CDADC1: variants seen among roughly 807,000 people sequenced by gnomAD.
CDADC1 encodes cytidine and dCMP deaminase domain containing 1.
In CDADC1, 39 loss-of-function variants were observed where a neutral mutation model predicts 54.9. The ratio of observed to expected loss-of-function variants is 0.71; its 90% CI spans 0.55 to 0.93. The LOEUF (loss-of-function observed/expected upper bound fraction) is 0.93, where lower values mean the gene tolerates loss of function less well. Ranked by LOEUF, CDADC1 falls within the 40% of genes least tolerant of loss-of-function variation. The pLI is 0.00. For synonymous variants in CDADC1, 186 were observed against 204.0 expected (o/e 0.91, Z 0.75); for missense variants, 518 against 618.8 (o/e 0.84, Z 1.73).
chr13:49,267,697 T>A lies in CDADC1; in HGVS notation c.638T>A (p.Ile213Asn). Residue 213 changes from isoleucine to asparagine, a missense_variant, in exon 5 of 10, where the codon ATT (isoleucine) becomes AAT (asparagine). Physicochemically the swap from Ile to Asn is moderately radical, Grantham distance 149. Transcript: ENST00000251108. ...GAGACCTCTTACAAATGTGACTTTA[T>A]TCAAAAAATTACAAAAACATTGCCG... ...VEETSYKCDF[I>N]QKITKTLPDA... is the part of the protein sequence containing the mutation. 1 of 1,612,706 alleles carries A rather than the reference T, an allele frequency of 6.2e-7. No individual in the cohort carries two copies. Among genetic ancestry groups the A allele is most frequent in the Non-Finnish European group, 8.5e-7 (1 of 1,179,544 alleles).
In CDADC1 at chr13:49,286,259, A is replaced by C. The variant is rs199798467; in HGVS notation, c.1448A>C (p.Gln483Pro). ...LNPSGAYGLE[Q>P]NEPERRENGV... ...CCATCAGGAGCTTATGGTCTTGAAC[A>C]AAATGAGCCTGAAAGGAGAGAAAGT... The change falls in exon 9 of 10, where the codon CAA (glutamine) becomes CCA (proline). Residue 483 changes from glutamine (Q) to proline (P), a missense_variant. Coordinates refer to ENST00000251108, the MANE Select transcript of CDADC1 (RefSeq NM_030911.4). The C allele has an allele frequency of 3.7e-6, 6 of 1,613,550 alleles. No individual in the cohort carries two copies. The highest frequency in any genetic ancestry group is 2.2e-5 in the East Asian group (1 of 44,866).
intron 8 of CDADC1, 139 bp downstream of exon 8, chr13:49,280,837 T>C (rs1289195644): frequency 5.0e-6 from 1 of 201,290 alleles, no homozygotes; most frequent in Non-Finnish European, 9.3e-6. Flanking sequence ...ATTATTATTT[T>C]ATTATTATTA....
intron 7 of CDADC1, among the ~76,000 whole-genome samples, chr13:49,278,874 T>C (rs879657071): frequency 1.3e-5 from 2 of 152,220 alleles, no homozygotes; most frequent in African/African-American, 4.8e-5. Context: ...TTAATACAGT[T>C]ACACGCCACA....
chr13:49,251,294 GCT>G (rs1952425238), intron 2 of CDADC1, among the ~76,000 whole-genome samples: 1 of 151,666 alleles, frequency 6.6e-6, no homozygotes. Context: ...TGTAGTCCCA[GCT>G]ACTTAGGAGG....
chr13:49,278,399 A>G lies in CDADC1; in HGVS notation c.1100A>G (p.Asn367Ser). 2 of 1,602,388 alleles carry G rather than the reference A, an allele frequency of 1.2e-6. No homozygotes were observed. Among genetic ancestry groups the G allele is most frequent in the Non-Finnish European group, 1.7e-6 (2 of 1,171,228 alleles). The change falls in exon 7 of 10, where the codon AAT becomes AGT. Residue 367 changes from asparagine to serine, a missense_variant. Asn to Ser is a conservative substitution (Grantham distance 46). Coordinates refer to ENST00000251108, the MANE Select transcript of CDADC1 (RefSeq NM_030911.4). ...ATGTACTTTGTAGGATGTGGTTACA[A>G]TGCTTTTCCTGTTGGATCTGAGTAT... ...GAMYFVGCGY[N>S]AFPVGSEYAD... is the part of the protein sequence containing the mutation.
At chr13:49,255,788 C>T (rs1566353158) in intron 2 of CDADC1, 51 bp from the exon 3 acceptor site, 4 of 1,587,652 alleles carry the variant, frequency 2.5e-6, no homozygotes, top group Non-Finnish European at 3.4e-6. Context: ...TTGAATTAGT[C>T]ATATGTCTTA....
chr13:49,267,136 A>T (rs746591411), intron 4 of CDADC1, among the ~76,000 whole-genome samples: 2 of 152,188 alleles, frequency 1.3e-5, no homozygotes, highest in Non-Finnish European at 2.9e-5. Context: ...AAAGCACCCA[A>T]AGACTATATA....
intron 9 of CDADC1, among the ~76,000 whole-genome samples, chr13:49,286,953 G>C (rs1470416627): frequency 6.6e-6 from 1 of 152,218 alleles, no homozygotes; most frequent in Non-Finnish European, 1.5e-5. Context: ...CACTTTGGGA[G>C]GCCAAGGCAG....
At chr13:49,256,002 C>G in intron 3 of CDADC1, 89 bp downstream of exon 3, 1 of 1,501,320 alleles carries the variant, frequency 6.7e-7, no homozygotes, top group Non-Finnish European at 8.9e-7. Flanking sequence ...TCCATTTCTA[C>G]TATCAAGGGA....
chr13:49,262,259 A>G (rs1175560141), intron 4 of CDADC1, among the ~76,000 whole-genome samples: 1 of 152,120 alleles, frequency 6.6e-6, no homozygotes, highest in Admixed American at 6.5e-5. Flanking sequence ...TCAGGGCAAT[A>G]TGGAGAAACC....
intron 4 of CDADC1, among the ~76,000 whole-genome samples, chr13:49,263,347 G>A (rs1182200350): frequency 6.6e-6 from 1 of 152,120 alleles, no homozygotes; most frequent in African/African-American, 2.4e-5. Context: ...TGGGATTGGT[G>A]GTGATATTAA....
chr13:49,286,871 T>C (rs1953528317), intron 9 of CDADC1, among the ~76,000 whole-genome samples: 1 of 152,276 alleles, frequency 6.6e-6, no homozygotes, highest in Non-Finnish European at 1.5e-5. Context: ...ATTTTAGATA[T>C]GAGTGCTATA....
chr13:49,292,215 C>A lies in CDADC1; in HGVS notation c.*458C>A. 1.0e-6 allele frequency: 1 copy of A among 985,778 alleles called. No homozygotes were observed. Among genetic ancestry groups the A allele is most frequent in the Non-Finnish European group, 1.2e-6 (1 of 827,918 alleles). 61.1% of individuals were successfully genotyped at this position (985,778 alleles called of 1,614,324 possible). A position where few individuals can be genotyped will look rare whatever the true frequency, so the allele number is the denominator to read the frequency against. On this transcript the variant is annotated 3_prime_UTR_variant, in exon 10 of 10. Coordinates refer to ENST00000251108, the MANE Select transcript of CDADC1 (RefSeq NM_030911.4). ...TTTTAAGAGTCAGTGTATAGCAAAC[C>A]AAAAGATCACATTTATACCCAAAGC...
intron 5 of CDADC1, among the ~76,000 whole-genome samples, chr13:49,272,965 G>A (rs1248755129): frequency 6.6e-6 from 1 of 152,122 alleles, no homozygotes; most frequent in Non-Finnish European, 1.5e-5. Flanking sequence ...TTCTTTGCCT[G>A]TTTCTGCATC....
chr13:49,263,192 A>G (rs1465637800), intron 4 of CDADC1, among the ~76,000 whole-genome samples: 2 of 152,252 alleles, frequency 1.3e-5, no homozygotes, highest in Non-Finnish European at 2.9e-5. Context: ...TTGAAAATAT[A>G]GTGAACCTGT....
intron 2 of CDADC1, among the ~76,000 whole-genome samples, chr13:49,249,956 C>T (rs1236269554): frequency 6.6e-6 from 1 of 151,706 alleles, no homozygotes; most frequent in Non-Finnish European, 1.5e-5. Context: ...TATAGGGGGC[C>T]ACGGCCATTG....
chr13:49,281,749 C>G (rs2138257611), intron 8 of CDADC1, among the ~76,000 whole-genome samples: 1 of 152,308 alleles, frequency 6.6e-6, no homozygotes, highest in East Asian at 1.9e-4. Context: ...CAAACACACA[C>G]ATTTCTCATG....
chr13:49,267,640 C>G lies in CDADC1; in HGVS notation c.581C>G (p.Pro194Arg). The part of the protein sequence containing the change: ...SRAHVCVLLQ[P>R]LVCYMVQFVE... ...GCCCATGTGTGTGTCTTACTTCAAC[C>G]TTTGGTGTGTTATATGGTGCAGTTT... Residue 194 changes from proline (P) to arginine (R), a missense_variant, in exon 5 of 10, where the codon CCT becomes CGT. Physicochemically the swap from Pro to Arg is moderately radical, Grantham distance 103. Coordinates refer to ENST00000251108, the MANE Select transcript of CDADC1 (RefSeq NM_030911.4). The G allele has an allele frequency of 6.2e-7, 1 of 1,614,118 alleles. No homozygotes were observed. The highest frequency in any genetic ancestry group is 2.2e-5 in the East Asian group (1 of 44,888).
intron 9 of CDADC1, among the ~76,000 whole-genome samples, chr13:49,288,196 A>G (rs1953579863): frequency 6.6e-6 from 1 of 152,218 alleles, no homozygotes; most frequent in Non-Finnish European, 1.5e-5. Context: ...TTATTGACCC[A>G]GATGATGGTT....
Sources: gnomAD v4.1 joint callset for allele counts (sites outside exome capture counted in the v4.1 genomes callset) on GRCh38, gnomAD v4.1.1 for gene constraint, MANE v1.5 for transcripts, NCBI Gene and HGNC (gene_info 2026-07-23, HGNC 2026-07-21) for gene names.